The following TAFA1 variants were observed in gnomAD, a reference collection of about 807,000 sequenced individuals.
TAFA1 encodes the protein chemokine-like protein TAFA-1.
TAFA1 carries 4 observed loss-of-function variants against 18.5 expected under a neutral mutation model. The ratio of observed to expected loss-of-function variants is 0.22; its 90% confidence interval spans 0.11 to 0.49. The LOEUF (loss-of-function observed/expected upper bound fraction) is 0.49. Among genes scored for constraint, TAFA1 ranks in the 20% least tolerant of loss-of-function variants. TAFA1 has a pLI of 0.98. For missense variants in TAFA1, 147 were observed against 169.0 expected (o/e 0.87, Z 0.72); for synonymous variants, 56 against 55.2 (o/e 1.01, Z -0.06).
chr3:68,191,815 G>A (rs913888250), intron 2 of TAFA1, among the ~76,000 whole-genome samples: 2 of 151,754 alleles, frequency 1.3e-5, no homozygotes, highest in Admixed American at 1.3e-4. Context: ...TTTTCACTGT[G>A]GGTAATTCTG....
At chr3:68,081,132 C>T (rs923853530) in intron 2 of TAFA1, among the ~76,000 whole-genome samples, 9 of 152,194 alleles carry the variant, frequency 5.9e-5, no homozygotes, top group African/African-American at 1.4e-4. Context: ...GCATTCTTCA[C>T]GTAGTTCTCG....
chr3:68,020,879 C>T (rs1288010299), intron 2 of TAFA1, among the ~76,000 whole-genome samples: 1 of 151,934 alleles, frequency 6.6e-6, no homozygotes, highest in Non-Finnish European at 1.5e-5. Context: ...TGAAGGTGGT[C>T]TAGTTAAGAA....
At chr3:68,192,041 A>G (rs1263091043) in intron 2 of TAFA1, among the ~76,000 whole-genome samples, 1 of 151,636 alleles carries the variant, frequency 6.6e-6, no homozygotes, top group Non-Finnish European at 1.5e-5. Context: ...TTCCTTTCTA[A>G]AGTCCCGCCT....
chr3:68,221,049 A>C (rs894478873), intron 2 of TAFA1, among the ~76,000 whole-genome samples: 3 of 152,170 alleles, frequency 2.0e-5, no homozygotes, highest in African/African-American at 4.8e-5. Flanking sequence ...AGCAGCTTCA[A>C]GTCCCACGGG....
chr3:68,074,563 T>C (rs1034311972), intron 2 of TAFA1, among the ~76,000 whole-genome samples: 10 of 152,162 alleles, frequency 6.6e-5, no homozygotes, highest in African/African-American at 2.4e-4. Context: ...ATGATGACAC[T>C]AAAATGAAAA....
chr3:68,453,494 G>C (rs985896336), intron 3 of TAFA1, among the ~76,000 whole-genome samples: 3 of 152,110 alleles, frequency 2.0e-5, no homozygotes, highest in African/African-American at 7.2e-5. Flanking sequence ...TGAACCACCA[G>C]GTGAGAGGAG....
At chr3:68,531,321 A>T (rs1018108313) in intron 3 of TAFA1, among the ~76,000 whole-genome samples, 3 of 152,088 alleles carry the variant, frequency 2.0e-5, no homozygotes, top group African/African-American at 7.3e-5. Flanking sequence ...TTTAGAGCAG[A>T]GGTGAAAGTT....
chr3:68,344,107 T>G (rs990520271), intron 2 of TAFA1, among the ~76,000 whole-genome samples: 1 of 152,192 alleles, frequency 6.6e-6, no homozygotes, highest in Non-Finnish European at 1.5e-5. Flanking sequence ...CCTCCCAAAG[T>G]GCTGGGATTA....
chr3:68,210,677 T>TTGC, intron 2 of TAFA1, among the ~76,000 whole-genome samples: 1 of 152,212 alleles, frequency 6.6e-6, no homozygotes. Flanking sequence ...CACCCTACTG[T>TTGC]TGCTGCTACT....
At chr3:68,485,634 C>A (rs1327670845) in intron 3 of TAFA1, among the ~76,000 whole-genome samples, 5 of 152,132 alleles carry the variant, frequency 3.3e-5, no homozygotes, top group African/African-American at 1.2e-4. Flanking sequence ...TTGCATATAC[C>A]TGGTAAAGAA....
intron 3 of TAFA1, among the ~76,000 whole-genome samples, chr3:68,490,398 C>T (rs562214329): frequency 1.5e-4 from 22 of 141,940 alleles, no homozygotes; most frequent in Admixed American, 2.2e-4. Flanking sequence ...GCTTTTAATA[C>T]GAAAGAAAAA....
intron 2 of TAFA1, among the ~76,000 whole-genome samples, chr3:68,324,796 A>G (rs2068751704): frequency 6.6e-6 from 1 of 152,226 alleles, no homozygotes; most frequent in Non-Finnish European, 1.5e-5. Flanking sequence ...ATAAGTAGGT[A>G]GGACAAACGA....
intron 2 of TAFA1, among the ~76,000 whole-genome samples, chr3:68,253,975 A>G (rs1411318952): frequency 6.6e-6 from 1 of 152,166 alleles, no homozygotes; most frequent in Non-Finnish European, 1.5e-5. Context: ...AGAAGCTGCA[A>G]ACATAATTGG....
At chr3:68,458,090 G>A (rs1037203210) in intron 3 of TAFA1, among the ~76,000 whole-genome samples, 1 of 152,144 alleles carries the variant, frequency 6.6e-6, no homozygotes, top group African/African-American at 2.4e-5. Context: ...GAGGCTTGGT[G>A]GGGAGTCACT....
At chr3:68,148,463 G>C (rs775668602) in intron 2 of TAFA1, among the ~76,000 whole-genome samples, 1 of 152,114 alleles carries the variant, frequency 6.6e-6, no homozygotes, top group Non-Finnish European at 1.5e-5. Context: ...TCATTGTCTT[G>C]TCTTCCAAAA....
intron 2 of TAFA1, among the ~76,000 whole-genome samples, chr3:68,264,299 A>G (rs1388194628): frequency 1.3e-5 from 2 of 152,218 alleles, no homozygotes; most frequent in Non-Finnish European, 2.9e-5. Context: ...TAGATTGAAA[A>G]AATAAACAAT....
the TAFA1 span, among the ~76,000 whole-genome samples, chr3:67,992,144 C>T: frequency 6.6e-6 from 1 of 152,186 alleles, no homozygotes; most frequent in South Asian, 2.1e-4. Flanking sequence ...TCCCTTCCCC[C>T]AGTGAGGCAA....
In TAFA1 at chr3:68,108,553, C is replaced by T. The variant is rs536146118; in HGVS notation, c.118+101809C>T. On this transcript the variant is annotated intron_variant, in intron 2 of 4. Transcript: ENST00000478136. ...GCCTACGGTATTAGGCTTGGGATTCCACAACATTTGTTGGTGAATGCCCTG... is the reference window on the plus strand; with the variant it reads ...GCCTACGGTATTAGGCTTGGGATTCTACAACATTTGTTGGTGAATGCCCTG... Among the ~76,000 whole-genome samples, 5 of 151,976 alleles carry T rather than the reference C, an allele frequency of 3.3e-5. No homozygotes were observed. The South Asian group carries it at 1.0e-3, about 32-fold the overall frequency.
At chr3:68,036,206 C>T (rs1410385445) in intron 2 of TAFA1, among the ~76,000 whole-genome samples, 2 of 152,054 alleles carry the variant, frequency 1.3e-5, no homozygotes, top group East Asian at 3.9e-4. Context: ...TTTGGGAGGC[C>T]AAGGTGGGTG....
Sources: gnomAD v4.1 joint callset for allele counts (sites outside exome capture counted in the v4.1 genomes callset) on GRCh38, gnomAD v4.1.1 for gene constraint, MANE v1.5 for transcripts, NCBI Gene and HGNC (gene_info 2026-07-23, HGNC 2026-07-21) for gene names.